STXBP5L: variants seen among roughly 807,000 people sequenced by gnomAD.
The protein encoded by STXBP5L is syntaxin-binding protein 5-like.
A neutral mutation model predicts 144.5 loss-of-function variants in STXBP5L; 65 were observed. The ratio of observed to expected loss-of-function variants is 0.45; its 90% CI spans 0.37 to 0.55. STXBP5L has a LOEUF of 0.55. STXBP5L is among the 20% of genes least tolerant of loss of function. The pLI is 0.00. For synonymous variants in STXBP5L, 505 were observed against 469.6 expected (o/e 1.08, Z -0.97); for missense variants, 1,298 against 1,405.5 (o/e 0.92, Z 1.22).
At chr3:121,207,443 C>G (rs1445171222) in intron 10 of STXBP5L, among the ~76,000 whole-genome samples, 1 of 152,144 alleles carries the variant, frequency 6.6e-6, no homozygotes, top group Non-Finnish European at 1.5e-5. Context: ...ATGTCTAAAA[C>G]ACCAAAAGCA....
At chr3:121,053,150 G>A (rs567936738) in intron 5 of STXBP5L, among the ~76,000 whole-genome samples, 2 of 152,126 alleles carry the variant, frequency 1.3e-5, no homozygotes, top group South Asian at 2.1e-4. Flanking sequence ...TCAATATCGT[G>A]AAAATGGCCA....
intron 3 of STXBP5L, among the ~76,000 whole-genome samples, chr3:121,037,957 T>G (rs1362631660): frequency 2.6e-5 from 4 of 151,982 alleles, no homozygotes; most frequent in African/African-American, 7.2e-5. Flanking sequence ...TAAATAATAT[T>G]TGTTTGTTGT....
At chr3:121,338,195 T>G (rs2044572953) in intron 20 of STXBP5L, among the ~76,000 whole-genome samples, 1 of 151,326 alleles carries the variant, frequency 6.6e-6, no homozygotes. Flanking sequence ...ATAAAAGAAA[T>G]TATAAAGATC....
Position 121,240,445 on chromosome 3 carries a change from G to A in STXBP5L, c.1338G>A (p.Trp446Ter). Residue 446 changes from tryptophan to a stop codon, truncating the protein, a stop_gained, in exon 14 of 27, where the codon TGG becomes TGA. Transcript: ENST00000471454. LOFTEE classifies it high-confidence loss of function. ...TTTCTGGATAATCTGTTTAGGAGTGGCCAATCAGTGGAGGAGCTTGGAACC... is the reference window on the plus strand; with the variant it reads ...TTTCTGGATAATCTGTTTAGGAGTGACCAATCAGTGGAGGAGCTTGGAACC... ...HKKQGYSNKEWPISGGAWNLG... is the reference protein window; with the variant it reads ...HKKQGYSNKE 6.2e-7 allele frequency: 1 copy of A among 1,613,268 alleles called. No homozygotes were observed. The highest frequency in any genetic ancestry group is 8.5e-7 in the Non-Finnish European group (1 of 1,179,542).
intron 4 of STXBP5L, among the ~76,000 whole-genome samples, 189 bp from the exon 5 acceptor site, chr3:121,045,246 G>A (rs1426079651): frequency 6.6e-6 from 1 of 152,106 alleles, no homozygotes; most frequent in Non-Finnish European, 1.5e-5. Context: ...CAGTGGGTCA[G>A]TTGCCTCTTC....
intron 10 of STXBP5L, among the ~76,000 whole-genome samples, chr3:121,212,255 T>C (rs1674551654): frequency 6.6e-6 from 1 of 152,228 alleles, no homozygotes; most frequent in African/African-American, 2.4e-5. Context: ...TTTGTTGCCA[T>C]TGCTTTTAGT....
intron 20 of STXBP5L, among the ~76,000 whole-genome samples, chr3:121,370,001 G>A (rs530919711): frequency 6.6e-6 from 1 of 152,250 alleles, no homozygotes; most frequent in Admixed American, 6.5e-5. Flanking sequence ...GATCGGCAGT[G>A]ATTGAATAAT....
chr3:121,384,591 T>C (rs1207521815), intron 22 of STXBP5L, among the ~76,000 whole-genome samples: 3 of 152,026 alleles, frequency 2.0e-5, no homozygotes, highest in African/African-American at 7.3e-5. Flanking sequence ...AGACTGTAGA[T>C]AGAATGATAC....
intron 3 of STXBP5L, among the ~76,000 whole-genome samples, chr3:120,991,590 A>C (rs554784290): frequency 0.019 from 2,924 of 152,310 alleles, 82 homozygotes; most frequent in African/African-American, 0.066. Flanking sequence ...CCAAATGTCC[A>C]ACAATGATAG....
intron 7 of STXBP5L, among the ~76,000 whole-genome samples, chr3:121,143,833 G>T (rs2045607509): frequency 6.6e-6 from 1 of 151,692 alleles, no homozygotes; most frequent in Non-Finnish European, 1.5e-5. Context: ...TTAAACATAA[G>T]ACCTTAAACT....
At chr3:121,169,856 T>C (rs1176514950) in intron 9 of STXBP5L, among the ~76,000 whole-genome samples, 1 of 152,212 alleles carries the variant, frequency 6.6e-6, no homozygotes, top group East Asian at 1.9e-4. Context: ...TTAATAGACA[T>C]CTACAGAACT....
intron 3 of STXBP5L, among the ~76,000 whole-genome samples, chr3:121,038,797 TTA>T (rs1172211012): frequency 6.6e-6 from 1 of 151,924 alleles, no homozygotes; most frequent in Non-Finnish European, 1.5e-5. Context: ...TTTAGGATTT[TTA>T]TGTTTTTTTA....
At chr3:120,992,943 C>G (rs368613183) in intron 3 of STXBP5L, among the ~76,000 whole-genome samples, 1 of 152,056 alleles carries the variant, frequency 6.6e-6, no homozygotes, top group Non-Finnish European at 1.5e-5. Context: ...TTCCTTTTCT[C>G]CACATCCTTG....
intron 20 of STXBP5L, among the ~76,000 whole-genome samples, chr3:121,336,554 A>G (rs1296616245): frequency 6.6e-6 from 1 of 152,158 alleles, no homozygotes; most frequent in Non-Finnish European, 1.5e-5. Context: ...CCACAAGGAG[A>G]TATTATCTCA....
At chr3:121,051,958 T>C (rs4524222) in intron 5 of STXBP5L, among the ~76,000 whole-genome samples, 79,640 of 152,000 alleles carry the variant, frequency 0.52, 21,406 homozygotes, top group African/African-American at 0.62. Context: ...AACACCTCTA[T>C]GGAAATAAAC....
chr3:121,279,022 TA>T (rs1330292318), intron 18 of STXBP5L, among the ~76,000 whole-genome samples: 1 of 151,692 alleles, frequency 6.6e-6, no homozygotes, highest in East Asian at 1.9e-4. Flanking sequence ...GGAACGTACA[TA>T]AAACAAGCAA....
Position 121,381,483 on chromosome 3 carries a change from A to G in STXBP5L, c.2538A>G (p.Pro846=), listed in dbSNP as rs1198652620. 8.8e-6 allele frequency: 14 copies of G among 1,595,394 alleles called. No homozygotes were observed. The South Asian group carries it at 1.4e-4, about 16-fold the overall frequency. ...GMVLIISLNL[P]LADEQRFTEP... ...TGTTAATCATCTCCTTAAACCTACC[A>G]TTAGCAGATGAACAAAGGTTTACAG... The change falls in exon 22 of 27, where the codon CCA becomes CCG. Residue 846 remains proline, a synonymous_variant. Coordinates refer to ENST00000471454, the MANE Select transcript of STXBP5L (RefSeq NM_001308330.2).
intron 3 of STXBP5L, among the ~76,000 whole-genome samples, chr3:120,990,190 A>T (rs932429347): frequency 2.0e-5 from 3 of 152,338 alleles, no homozygotes; most frequent in East Asian, 3.9e-4. Flanking sequence ...CCAAATCATG[A>T]GTGAACTCCC....
chr3:121,000,905 C>T (rs1477294193), intron 3 of STXBP5L, among the ~76,000 whole-genome samples: 1 of 152,154 alleles, frequency 6.6e-6, no homozygotes, highest in Non-Finnish European at 1.5e-5. Flanking sequence ...CACTCTTGGG[C>T]TGTGCACTTT....
Sources: gnomAD v4.1 joint callset for allele counts (sites outside exome capture counted in the v4.1 genomes callset) on GRCh38, gnomAD v4.1.1 for gene constraint, MANE v1.5 for transcripts, NCBI Gene and HGNC (gene_info 2026-07-23, HGNC 2026-07-21) for gene names.